Variants in RNF216 observed in about 807,000 individuals in gnomAD.
RNF216 encodes the protein E3 ubiquitin-protein ligase RNF216.
RNF216 carries 72 observed loss-of-function variants against 110.8 expected under a neutral mutation model. The observed-to-expected ratio is 0.65, with a 90% CI of 0.54 to 0.79. The LOEUF is 0.79. Among genes scored for constraint, RNF216 ranks in the 30% least tolerant of loss-of-function variants. The probability of loss-of-function intolerance (pLI) is 0.00; values close to 1 mark genes in which losing one functional copy is unlikely to be tolerated. For missense variants in RNF216, 1,342 were observed against 1,141.2 expected, an observed-to-expected ratio of 1.18 and a Z score of -2.54; for synonymous variants, 495 against 407.5, an observed-to-expected ratio of 1.21 and a Z score of -2.59.
intron 1 of RNF216, among the ~76,000 whole-genome samples, chr7:5,781,079 G>A (rs1797061278): frequency 6.6e-6 from 1 of 152,196 alleles, no homozygotes; most frequent in Non-Finnish European, 1.5e-5. Flanking sequence ...ACGCGCTCCA[G>A]ATGTGAGGGA....
intron 3 of RNF216, among the ~76,000 whole-genome samples, chr7:5,748,095 C>T (rs561346394): frequency 6.6e-6 from 1 of 152,270 alleles, no homozygotes; most frequent in African/African-American, 2.4e-5. Context: ...TATCAGACCC[C>T]TCCCTAACTC....
At position 5,741,450 on chromosome 7, in the gene RNF216, T is replaced by C; in HGVS notation, c.567A>G (p.Thr189=). The change falls in exon 4 of 17, where the codon ACA becomes ACG. Residue 189 remains threonine, a synonymous_variant. Transcript: ENST00000389902. ...TCTGAGTTTCCAAAGGATCGCTTTC[T>C]GTGTAAAGAAGGCTACCTTCTTCCA... ...IILEEGSLLY[T]ESDPLETQNQ... 1 of 1,614,218 alleles carries C rather than the reference T, an allele frequency of 6.2e-7. No individual in the cohort carries two copies. Among genetic ancestry groups the C allele is most frequent in the Non-Finnish European group, 8.5e-7 (1 of 1,180,042 alleles).
intron 14 of RNF216, among the ~76,000 whole-genome samples, chr7:5,645,335 C>T (rs1049222478): frequency 1.7e-4 from 26 of 152,104 alleles, no homozygotes; most frequent in African/African-American, 6.0e-4. Flanking sequence ...GTTCATTTTG[C>T]TCTCTGCTCT....
At chr7:5,675,726 T>TTTTTTTTTTTA (rs1790243423) in intron 13 of RNF216, among the ~76,000 whole-genome samples, 3 of 151,578 alleles carry the variant, frequency 2.0e-5, no homozygotes, top group African/African-American at 7.3e-5. Context: ...TTTTTTTTTT[T>TTTTTTTTTTTA]GAGGTGGAGT....
intron 13 of RNF216, among the ~76,000 whole-genome samples, chr7:5,673,603 G>T (rs1456115883): frequency 3.3e-5 from 5 of 152,174 alleles, no homozygotes; most frequent in Non-Finnish European, 4.4e-5. Flanking sequence ...CAGAATGAGG[G>T]TCTGCAAGGA....
chr7:5,628,711 G>T (rs528127951), intron 15 of RNF216, among the ~76,000 whole-genome samples: 1 of 151,044 alleles, frequency 6.6e-6, no homozygotes, highest in Non-Finnish European at 1.5e-5. Flanking sequence ...TGTAGAAATG[G>T]GGTTTCACCA....
At position 5,624,036 on chromosome 7, in the gene RNF216, G is replaced by T. The variant is rs769275094; in HGVS notation, c.2452+20C>A. 6 of 1,609,318 alleles carry T rather than the reference G, an allele frequency of 3.7e-6. No individual in the cohort carries two copies. In the East Asian group the frequency reaches 6.7e-5, roughly 18 times the overall value. On this transcript the variant is annotated intron_variant, in intron 16 of 16. Coordinates refer to ENST00000389902, the MANE Select transcript of RNF216 (RefSeq NM_207111.4). The surrounding 1 kb of genome is among the most constrained non-coding windows in gnomAD (Gnocchi z 4.4). ...GCCTGGCTGCTGCTCTGTCCTGGGG[G>T]CCTGGGGAGGGGCACTTGCCTCCAT...
chr7:5,729,692 C>G, intron 6 of RNF216, 96 bp from the exon 7 acceptor site: 1 of 1,070,736 alleles, frequency 9.3e-7, no homozygotes, highest in African/African-American at 1.6e-5. Context: ...AAAAGAATAA[C>G]ATTTGTTCTA....
intron 13 of RNF216, among the ~76,000 whole-genome samples, chr7:5,707,716 TG>T (rs1554255837): frequency 2.9e-5 from 4 of 135,928 alleles, no homozygotes; most frequent in Admixed American, 8.0e-5. Context: ...TGTGTGTGTG[TG>T]GTTTTTTTTT....
At chr7:5,654,847 T>C (rs1318795723) in intron 13 of RNF216, among the ~76,000 whole-genome samples, 1 of 151,928 alleles carries the variant, frequency 6.6e-6, no homozygotes, top group East Asian at 1.9e-4. Flanking sequence ...AAAGGTGATA[T>C]ATATTAGGGT....
chr7:5,739,290 A>G lies in RNF216; in HGVS notation c.1107T>C (p.Tyr369=), dbSNP rs1794618514. The part of the protein sequence containing the change: ...FIEEIIHFKN[Y]YDLNVLCNFL... ...AGTATACTTACACATTCAGATCATAATAATTCTTAAAATGAATTATTTCCT... is the reference window on the plus strand; with the variant it reads ...AGTATACTTACACATTCAGATCATAGTAATTCTTAAAATGAATTATTTCCT... The change falls in exon 5 of 17, where the codon TAT becomes TAC. Residue 369 remains tyrosine, a synonymous_variant. Transcript: ENST00000389902. 4 of 1,594,924 alleles carry G rather than the reference A, an allele frequency of 2.5e-6. No homozygotes were observed. Among genetic ancestry groups the G allele is most frequent in the South Asian group, 1.2e-5 (1 of 86,474 alleles).
In RNF216 at chr7:5,741,943, T is replaced by C. The variant is rs2128654498; in HGVS notation, c.202-128A>G. On this transcript the variant is annotated intron_variant, in intron 3 of 16. Coordinates refer to ENST00000389902, the MANE Select transcript of RNF216 (RefSeq NM_207111.4). ...ACACCATCTCCCTTAACAATACCTA[T>C]TCTTTACATTTATCTTAACACTGAA... The C allele has an allele frequency of 3.4e-6, 3 of 885,776 alleles. No individual in the cohort carries two copies. The South Asian group carries it at 5.5e-5, about 16-fold the overall frequency. 54.9% of individuals were successfully genotyped at this position (885,776 alleles called of 1,614,324 possible).
chr7:5,704,350 CG>C (rs1258581036), intron 13 of RNF216, among the ~76,000 whole-genome samples: 1 of 152,158 alleles, frequency 6.6e-6, no homozygotes. Flanking sequence ...TAGTCTCACA[CG>C]GGTCAAAATT....
Position 5,629,559 on chromosome 7 carries a change from C to T in RNF216, c.2383-5434G>A, listed in dbSNP as rs886796270. ...AAAAAGAGGGAGGGGCCAGAAGCGG[C>T]GTCTTGCGCCTGTAATCCCAGCACT... On this transcript the variant is annotated intron_variant, in intron 15 of 16. Coordinates refer to ENST00000389902, the MANE Select transcript of RNF216 (RefSeq NM_207111.4). 2.0e-5 allele frequency among the ~76,000 whole-genome samples: 3 copies of T among 150,398 alleles called. No homozygotes were observed. In the East Asian group the frequency reaches 6.0e-4, roughly 30 times the overall value.
At chr7:5,686,241 A>T (rs1562390387) in intron 13 of RNF216, among the ~76,000 whole-genome samples, 3 of 151,446 alleles carry the variant, frequency 2.0e-5, no homozygotes, top group Non-Finnish European at 4.4e-5. Context: ...AAAAAAAAAA[A>T]AAAAAAATGG....
rs777478719 is a variant in RNF216, at chr7:5,741,812, T to C, written c.205A>G (p.Asn69Asp). 5 of 1,591,734 alleles carry C rather than the reference T, an allele frequency of 3.1e-6. No homozygotes were observed. The highest frequency in any genetic ancestry group is 4.5e-5 in the East Asian group (2 of 44,726). Residue 69 changes from asparagine to aspartate, a missense_variant, in exon 4 of 17, where the codon AAT becomes GAT. Physicochemically the swap from Asn to Asp is conservative, Grantham distance 23. Coordinates refer to ENST00000389902, the MANE Select transcript of RNF216 (RefSeq NM_207111.4). ...LDDDVILTET[N>D]KPQRSRPNLI... ...TTGGGTCGTGATCTCTGAGGTTTAT[T>C]TGTCTAAGAAAAAATGAAATTTTAA...
At chr7:5,729,644 C>G (rs771585227) in intron 6 of RNF216, 48 bp from the exon 7 acceptor site, 5 of 1,463,182 alleles carry the variant, frequency 3.4e-6, no homozygotes, top group Non-Finnish European at 4.8e-6. Context: ...AGTACATTTC[C>G]CATACAGGGG....
chr7:5,652,651 T>C, intron 13 of RNF216, 141 bp from the exon 14 acceptor site: 1 of 627,396 alleles, frequency 1.6e-6, no homozygotes, highest in South Asian at 1.8e-5. Context: ...GGGGGGATAT[T>C]TCTAAAGACA....
chr7:5,674,343 C>T (rs184365649), intron 13 of RNF216, among the ~76,000 whole-genome samples: 2 of 151,774 alleles, frequency 1.3e-5, no homozygotes, highest in Non-Finnish European at 2.9e-5. Flanking sequence ...ATTTTTAGTA[C>T]AGATGGGATT....
Sources: gnomAD v4.1 joint callset for allele counts (sites outside exome capture counted in the v4.1 genomes callset) on GRCh38, gnomAD v4.1.1 for gene constraint, Gnocchi (gnomAD v3.1) non-coding constraint, MANE v1.5 for transcripts, NCBI Gene and HGNC (gene_info 2026-07-23, HGNC 2026-07-21) for gene names.